The following MOV10L1 variants were observed in gnomAD, a reference collection of about 807,000 sequenced individuals.
The protein encoded by MOV10L1 is RNA helicase Mov10l1.
In MOV10L1, 110 loss-of-function variants were observed where a neutral mutation model predicts 143.8. That is an observed-to-expected ratio of 0.76 (90% CI 0.66 to 0.90). The LOEUF (loss-of-function observed/expected upper bound fraction) is 0.90. Among genes scored for constraint, MOV10L1 ranks in the 40% least tolerant of loss-of-function variants. MOV10L1 has a pLI of 0.00. For synonymous variants in MOV10L1, 593 were observed against 581.1 expected (o/e 1.02, Z -0.29); for missense variants, 1,406 against 1,526.8 (o/e 0.92, Z 1.32).
intron 2 of MOV10L1, chr22:50,092,897 TTTTG>T: frequency 6.6e-6 from 1 of 152,034 alleles, no homozygotes; most frequent in Non-Finnish European, 1.5e-5. Context: ...TTCTTTTTCT[TTTTG>T]TTTTTGTTTT....
At chr22:50,117,483 C>A in intron 9 of MOV10L1, 132 bp downstream of exon 9, 1 of 906,836 alleles carries the variant, frequency 1.1e-6, no homozygotes, top group Non-Finnish European at 1.6e-6. Flanking sequence ...GGGGTTCAAG[C>A]CTCTTTCCAT....
At chr22:50,144,332 G>A in intron 18 of MOV10L1, 89 bp downstream of exon 18, 1 of 1,458,104 alleles carries the variant, frequency 6.9e-7, no homozygotes, top group Non-Finnish European at 9.1e-7. Flanking sequence ...GCAGGGGTAG[G>A]AGGGTGGGCA....
At chr22:50,106,316 C>G (rs1241260008) in intron 3 of MOV10L1, among the ~76,000 whole-genome samples, 1 of 133,074 alleles carries the variant, frequency 7.5e-6, no homozygotes, top group Non-Finnish European at 1.6e-5. Context: ...CACCACACCC[C>G]AACTAATTCT....
In MOV10L1 at chr22:50,144,115, G is replaced by T. The variant is rs941689008; in HGVS notation, c.2377G>T (p.Asp793Tyr). 3 of 1,610,218 alleles carry T rather than the reference G, an allele frequency of 1.9e-6. No individual in the cohort carries two copies. In the African/African-American group the frequency reaches 4.0e-5, roughly 22 times the overall value. The change falls in exon 18 of 27, where the codon GAC (aspartate) becomes TAC (tyrosine). Residue 793 changes from aspartate to tyrosine, a missense_variant. Coordinates refer to ENST00000262794, the MANE Select transcript of MOV10L1 (RefSeq NM_018995.3). The part of the protein sequence containing the change: ...AVLQVHFALP[D>Y]SRILVCAPSN... ...GATGAAGGTACACTTTGCCTTGCCG[G>T]ACAGTCGGATTTTAGTCTGTGCGCC...
At chr22:50,090,678 G>T in intron 1 of MOV10L1, 1 of 607,732 alleles carries the variant, frequency 1.6e-6, no homozygotes, top group South Asian at 2.2e-5. Flanking sequence ...TGAGGTGTTT[G>T]TGTGTGTGTG....
At chr22:50,115,360 T>C in intron 8 of MOV10L1, 114 bp downstream of exon 8, 1 of 1,236,320 alleles carries the variant, frequency 8.1e-7, no homozygotes, top group African/African-American at 1.6e-5. Context: ...AGACCAGGAG[T>C]TCGAAACCAG....
chr22:50,141,540 A>G (rs1306879963), intron 15 of MOV10L1, among the ~76,000 whole-genome samples: 5 of 142,990 alleles, frequency 3.5e-5, no homozygotes, highest in Non-Finnish European at 1.5e-5. Context: ...GGGTTTCACC[A>G]TGTTGCCCAG....
chr22:50,138,574 A>G (rs1401468583), intron 15 of MOV10L1, among the ~76,000 whole-genome samples: 4 of 152,126 alleles, frequency 2.6e-5, no homozygotes. Flanking sequence ...AAAAAATAGA[A>G]AAGAAAAAAA....
chr22:50,138,290 C>T (rs146982473), intron 15 of MOV10L1, among the ~76,000 whole-genome samples: 1 of 152,274 alleles, frequency 6.6e-6, no homozygotes, highest in East Asian at 1.9e-4. Flanking sequence ...CTGATGGAGG[C>T]CGGGTGTGGT....
intron 19 of MOV10L1, chr22:50,146,879 T>C (rs929568259): frequency 1.5e-5 from 8 of 529,350 alleles, no homozygotes; most frequent in African/African-American, 1.3e-4. Context: ...ACACTTTACA[T>C]TTTTTTTGGT....
At chr22:50,114,137 C>G (rs1401201439) in intron 6 of MOV10L1, among the ~76,000 whole-genome samples, 1 of 151,936 alleles carries the variant, frequency 6.6e-6, no homozygotes, top group Non-Finnish European at 1.5e-5. Flanking sequence ...CCAGGATGGT[C>G]TGGAGCTCCT....
chr22:50,113,495 ATCC>A (rs1031109400), intron 5 of MOV10L1, 150 bp from the exon 6 acceptor site: 2 of 1,011,798 alleles, frequency 2.0e-6, no homozygotes, highest in African/African-American at 3.2e-5. Flanking sequence ...AGGGTTTGCC[ATCC>A]TCCTTAGAAA....
chr22:50,153,722 C>A (rs2063356376), intron 22 of MOV10L1, among the ~76,000 whole-genome samples: 1 of 152,206 alleles, frequency 6.6e-6, no homozygotes, highest in Non-Finnish European at 1.5e-5. Flanking sequence ...CAAGGCCTCG[C>A]AGAGGGACAG....
chr22:50,096,354 T>C (rs2062589267), intron 2 of MOV10L1: 1 of 152,274 alleles, frequency 6.6e-6, no homozygotes. Context: ...AATATTCCAT[T>C]GTGTGAATAA....
At chr22:50,147,734 T>C (rs1264396663) in intron 19 of MOV10L1, among the ~76,000 whole-genome samples, 5 of 152,238 alleles carry the variant, frequency 3.3e-5, no homozygotes, top group African/African-American at 7.2e-5. Flanking sequence ...ATAACTGCAA[T>C]TAATACAGAA....
rs1343218413 is a variant in MOV10L1 at position 50,161,445 on chromosome 22, G to A, written c.3632G>A (p.Ser1211Asn). ...STGPEKHQEP[S>N] is the part of the protein sequence containing the mutation. ...GGACCAGAGAAGCATCAGGAGCCCA[G>A]CTGATCTGCAGTGGCTGACAGCAGG... The change falls in exon 27 of 27, where the codon AGC becomes AAC. Residue 1211 changes from serine (S) to asparagine (N), a missense_variant. Transcript: ENST00000262794. 1 of 1,587,538 alleles carries A rather than the reference G, an allele frequency of 6.3e-7. No individual in the cohort carries two copies. Among genetic ancestry groups the A allele is most frequent in the East Asian group, 2.3e-5 (1 of 43,654 alleles).
intron 2 of MOV10L1, chr22:50,094,794 T>C (rs542178210): frequency 5.9e-5 from 9 of 152,306 alleles, no homozygotes; most frequent in Middle Eastern, 3.4e-3. Context: ...TTATAGTTAG[T>C]ACCATCTAAT....
chr22:50,144,246 G>T lies in MOV10L1; in HGVS notation c.2505+3G>T, dbSNP rs1249497005. The T allele has an allele frequency of 1.9e-6, 3 of 1,595,854 alleles. No individual in the cohort carries two copies. The Admixed American group carries it at 5.0e-5, about 27-fold the overall frequency. ...ACGCCACCTGCAGGTTCGAGGAGGTGAGCCCTTGGTGCAAGCAGTGGGGGG... is the reference window on the plus strand; with the variant it reads ...ACGCCACCTGCAGGTTCGAGGAGGTTAGCCCTTGGTGCAAGCAGTGGGGGG... On this transcript the variant is annotated splice_donor_region_variant and intron_variant, in intron 18 of 26. Transcript: ENST00000262794.
At chr22:50,098,997 T>G (rs1219964765) in intron 2 of MOV10L1, among the ~76,000 whole-genome samples, 1 of 152,254 alleles carries the variant, frequency 6.6e-6, no homozygotes, top group East Asian at 1.9e-4. Flanking sequence ...ACTTTTGCAT[T>G]CTGGGATAAA....
Sources: allele counts gnomAD v4.1 joint callset (sites outside exome capture counted in the v4.1 genomes callset), GRCh38; gene constraint gnomAD v4.1.1; transcripts MANE v1.5; gene names NCBI Gene and HGNC (gene_info 2026-07-23, HGNC 2026-07-21).